Variants in CCDC74A observed in about 807,000 individuals in gnomAD.
CCDC74A encodes coiled-coil domain containing 74A.
In CCDC74A, 38 loss-of-function variants were observed where a neutral mutation model predicts 37.6. That is an observed-to-expected ratio of 1.01 (90% confidence interval 0.78 to 1.33). The LOEUF is 1.33. Ranked by LOEUF, CCDC74A falls within the 40% of genes most tolerant of loss-of-function variation. The probability of loss-of-function intolerance (pLI) is 0.00; values close to 1 mark genes in which losing one functional copy is unlikely to be tolerated. For synonymous variants in CCDC74A, 134 were observed against 165.2 expected, an observed-to-expected ratio of 0.81 and a Z score of 1.45; for missense variants, 340 against 403.4, an observed-to-expected ratio of 0.84 and a Z score of 1.35.
At position 131,528,100 on chromosome 2, in the gene CCDC74A, A is replaced by G; in HGVS notation, c.130A>G (p.Ser44Gly). 1 of 1,613,538 alleles carries G rather than the reference A, an allele frequency of 6.2e-7. No individual in the cohort carries two copies. The highest frequency in any genetic ancestry group is 8.5e-7 in the Non-Finnish European group (1 of 1,179,774). The stretch of plus-strand genomic sequence containing the variant: ...GCCGCAGAGCCCGCAGCTCAGGCAG[A>G]GCGACCCGCAGAAACGGAACCTGGA... ...LRPQSPQLRQ[S>G]DPQKRNLDLE... Residue 44 changes from serine (S) to glycine (G), a missense_variant, in exon 1 of 8, where the codon AGC becomes GGC. Coordinates refer to ENST00000409856, the MANE Select transcript of CCDC74A (RefSeq NM_001258306.3).
intron 1 of CCDC74A, chr2:131,528,428 T>C (rs1416310091): frequency 6.4e-7 from 1 of 1,550,494 alleles, no homozygotes; most frequent in African/African-American, 1.4e-5. Context: ...CGACCCTGTC[T>C]GCCTGTCTCG....
upstream of CCDC74A, among the ~76,000 whole-genome samples, chr2:131,526,535 T>G (rs1209424823): frequency 1.3e-5 from 2 of 152,212 alleles, no homozygotes; most frequent in Non-Finnish European, 2.9e-5. Flanking sequence ...CTTTTTCCAT[T>G]AGAGCCCTTA....
At chr2:131,522,698 C>T (rs1295286013), upstream of CCDC74A, among the ~76,000 whole-genome samples, 3 of 152,134 alleles carry the variant, frequency 2.0e-5, no homozygotes, top group Non-Finnish European at 2.9e-5. Flanking sequence ...ATTCGTGGCC[C>T]ACTCCCACGA....
rs761887443 is a variant in CCDC74A at position 131,532,825 on chromosome 2, C to A, written c.679-39C>A. The stretch of plus-strand genomic sequence containing the variant: ...GGGGTGGCCCTGGGCAGTCTGGCAC[C>A]GCCACAGGCCCCACCATGCCCCTGC... On this transcript the variant is annotated intron_variant, in intron 5 of 7. Transcript: ENST00000409856. 44 of 1,612,974 alleles carry A rather than the reference C, an allele frequency of 2.7e-5. 1 individual carries two copies. Among genetic ancestry groups the A allele is most frequent in the Non-Finnish European group, 3.6e-5 (43 of 1,179,676 alleles).
chr2:131,532,079 C>A (rs1191613473), intron 4 of CCDC74A, among the ~76,000 whole-genome samples: 3 of 150,928 alleles, frequency 2.0e-5, no homozygotes, highest in Non-Finnish European at 4.5e-5. Context: ...CCCTAAACCA[C>A]TTCCTCAGAG....
At position 131,528,075 on chromosome 2, in the gene CCDC74A, G is replaced by A. The variant is rs780540910; in HGVS notation, c.105G>A (p.Arg35=). 3 of 1,610,070 alleles carry A rather than the reference G, an allele frequency of 1.9e-6. No homozygotes were observed. The highest frequency in any genetic ancestry group is 1.1e-5 in the South Asian group (1 of 90,238). Residue 35 remains arginine (R), a synonymous_variant, in exon 1 of 8, where the codon AGG becomes AGA. Transcript: ENST00000409856. ...CCTCTGTGGGCGTCCAGTCCTTGAG[G>A]CCGCAGAGCCCGCAGCTCAGGCAGA... is the stretch of plus-strand genomic sequence containing the variant. The part of the protein sequence containing the change: ...QRPSVGVQSL[R]PQSPQLRQSD...
At chr2:131,528,356 C>T (rs1352599855) in intron 1 of CCDC74A, 136 bp downstream of exon 1, 1 of 1,546,614 alleles carries the variant, frequency 6.5e-7, no homozygotes, top group Non-Finnish European at 8.7e-7. Context: ...GGTAAGCCCG[C>T]CCTGCCACGC....
At chr2:131,531,280 G>C (rs34295369) in intron 3 of CCDC74A, among the ~76,000 whole-genome samples, 1 of 151,830 alleles carries the variant, frequency 6.6e-6, no homozygotes, top group Non-Finnish European at 1.5e-5. Flanking sequence ...CTGTGAGGCC[G>C]GGCATTTTCC....
At chr2:131,527,626 C>A, upstream of CCDC74A, 1 of 280,690 alleles carries the variant, frequency 3.6e-6, no homozygotes, top group Non-Finnish European at 6.6e-6. Flanking sequence ...TCCAGAGTAG[C>A]TGGGATTACT....
At chr2:131,524,845 C>A (rs1445790003), upstream of CCDC74A, among the ~76,000 whole-genome samples, 1 of 140,374 alleles carries the variant, frequency 7.1e-6, no homozygotes, top group African/African-American at 2.6e-5. Flanking sequence ...AAGAGAGCCT[C>A]AGTCCAGGAG....
chr2:131,522,882 C>T (rs1173617740), upstream of CCDC74A, among the ~76,000 whole-genome samples: 2 of 152,150 alleles, frequency 1.3e-5, no homozygotes, highest in African/African-American at 2.4e-5. Context: ...CACCAATAAC[C>T]CTGACATTTC....
At chr2:131,529,420 G>A (rs1230120719) in intron 1 of CCDC74A, 3 of 688,120 alleles carry the variant, frequency 4.4e-6, no homozygotes, top group Admixed American at 2.1e-5. Context: ...AGATGGATGA[G>A]GCCGATATGC....
At chr2:131,523,446 G>A (rs1680194593), upstream of CCDC74A, among the ~76,000 whole-genome samples, 1 of 152,086 alleles carries the variant, frequency 6.6e-6, no homozygotes, top group African/African-American at 2.4e-5. Flanking sequence ...TGGCCAACAT[G>A]GTGAAATCCC....
chr2:131,529,629 G>A lies in CCDC74A; in HGVS notation c.251-18G>A, dbSNP rs755816070. ...TGTGGTTTCACAAGTGCTGAGGAGA[G>A]CGTGTGCTTGCTTTCAGATCTCCAT... On this transcript the variant is annotated intron_variant, in intron 1 of 7. Transcript: ENST00000409856. The A allele has an allele frequency of 1.2e-6, 2 of 1,614,024 alleles. No homozygotes were observed. Among genetic ancestry groups the A allele is most frequent in the Admixed American group, 3.3e-5 (2 of 60,026 alleles).
intron 2 of CCDC74A, 33 bp downstream of exon 2, chr2:131,529,724 T>C: frequency 6.2e-7 from 1 of 1,611,152 alleles, no homozygotes; most frequent in Non-Finnish European, 8.5e-7. Context: ...ACTGATGGGA[T>C]GCTCTTGCCA....
chr2:131,523,016 C>T (rs550522535), upstream of CCDC74A, among the ~76,000 whole-genome samples: 70 of 152,232 alleles, frequency 4.6e-4, no homozygotes, highest in Middle Eastern at 3.4e-3. Flanking sequence ...GCAATCCTTC[C>T]GCCTCAGCAT....
chr2:131,529,588 C>T, intron 1 of CCDC74A, 59 bp from the exon 2 acceptor site: 1 of 1,611,826 alleles, frequency 6.2e-7, no homozygotes. Flanking sequence ...GGCCAGGCTT[C>T]TTCTCTCAGA....
At chr2:131,527,862 C>A, upstream of CCDC74A, 1 of 1,406,910 alleles carries the variant, frequency 7.1e-7, no homozygotes, top group South Asian at 1.6e-5. Flanking sequence ...CGCCAACCGC[C>A]TCGCGCCTTC....
chr2:131,532,771 A>G lies in CCDC74A; in HGVS notation c.668A>G (p.Gln223Arg). 1 of 1,613,538 alleles carries G rather than the reference A, an allele frequency of 6.2e-7. No homozygotes were observed. Among genetic ancestry groups the G allele is most frequent in the African/African-American group, 1.3e-5 (1 of 75,028 alleles). The change falls in exon 5 of 8, where the codon CAG becomes CGG. Residue 223 changes from glutamine to arginine, a missense_variant. Physicochemically the swap from Gln to Arg is conservative, Grantham distance 43. This residue lies in a region of CCDC74A where 185 missense variants were observed against 231.5 expected (regional missense o/e 0.80). Coordinates refer to ENST00000409856, the MANE Select transcript of CCDC74A (RefSeq NM_001258306.3). ...GAGCTGTGGAATACCAACCTCCTGC[A>G]GACCCAAGAGGTGAGGCCCTGGGTG... ...IRELWNTNLLQTQELRHLKSL... is the reference protein window; with the variant it reads ...IRELWNTNLLRTQELRHLKSL...
Sources: gnomAD v4.1 joint callset for allele counts (sites outside exome capture counted in the v4.1 genomes callset) on GRCh38, gnomAD v4.1.1 for gene constraint, gnomAD v4.1.1 regional missense constraint, MANE v1.5 for transcripts, NCBI Gene and HGNC (gene_info 2026-07-23, HGNC 2026-07-21) for gene names.